The following SRRM4 variants were observed in gnomAD, a reference collection of about 807,000 sequenced individuals.
SRRM4 encodes the protein serine/arginine repetitive matrix protein 4.
SRRM4 carries 33 observed loss-of-function variants against 68.9 expected under a neutral mutation model. The observed-to-expected ratio is 0.48, with a 90% CI of 0.36 to 0.64. SRRM4 has a LOEUF of 0.64. Ranked by LOEUF, SRRM4 falls within the 30% of genes least tolerant of loss-of-function variation. The probability of loss-of-function intolerance (pLI) is 0.00; values close to 1 mark genes in which losing one functional copy is unlikely to be tolerated. For missense variants in SRRM4, 817 were observed against 827.1 expected (o/e 0.99, Z 0.15); for synonymous variants, 318 against 318.8 (o/e 1.00, Z 0.03).
intron 1 of SRRM4, among the ~76,000 whole-genome samples, chr12:119,045,289 A>G (rs773297153): frequency 1.4e-5 from 2 of 144,214 alleles, no homozygotes; most frequent in Non-Finnish European, 3.1e-5. Flanking sequence ...AAAGAGGAAG[A>G]CCCACCCCCG....
At chr12:119,023,439 G>GACACAGC (rs1410050860) in intron 1 of SRRM4, among the ~76,000 whole-genome samples, 3 of 152,124 alleles carry the variant, frequency 2.0e-5, no homozygotes, top group African/African-American at 7.2e-5. Context: ...GCTCCCAAAA[G>GACACAGC]ACACAGCAAT....
At chr12:119,095,485 C>T (rs1237141134) in intron 1 of SRRM4, among the ~76,000 whole-genome samples, 2 of 152,102 alleles carry the variant, frequency 1.3e-5, no homozygotes, top group Admixed American at 1.3e-4. Context: ...TTCAGCTATG[C>T]AAGGGAAGGA....
At chr12:119,148,020 G>A (rs1954415202) in intron 9 of SRRM4, among the ~76,000 whole-genome samples, 2 of 150,528 alleles carry the variant, frequency 1.3e-5, no homozygotes, top group Non-Finnish European at 2.9e-5. Context: ...TTTTTCTCAG[G>A]AGCTTATAAT....
Position 119,154,213 on chromosome 12 carries a change from G to C in SRRM4, c.1392-30G>C, listed in dbSNP as rs1475657751. 2.5e-6 allele frequency: 4 copies of C among 1,573,652 alleles called. No individual in the cohort carries two copies. Among genetic ancestry groups the C allele is most frequent in the Non-Finnish European group, 1.7e-6 (2 of 1,156,760 alleles). ...ACGCAGAAAATCCAGCCCAGCCCCAGCTCCCCAGTAACCCCCCGCGCCCCT... is the reference window on the plus strand; with the variant it reads ...ACGCAGAAAATCCAGCCCAGCCCCACCTCCCCAGTAACCCCCCGCGCCCCT... On this transcript the variant is annotated intron_variant, in intron 11 of 12. Transcript: ENST00000267260. This position sits in a 1 kb window ranked among gnomAD's most constrained non-coding sequence, Gnocchi z 4.7.
chr12:119,104,955 G>A (rs1954097940), intron 2 of SRRM4, among the ~76,000 whole-genome samples: 1 of 144,948 alleles, frequency 6.9e-6, no homozygotes, highest in Non-Finnish European at 1.5e-5. Context: ...ATCTCCTAAT[G>A]CAATCCCTCC....
At position 119,089,826 on chromosome 12, in the gene SRRM4, CCATCAT is replaced by C. The variant is rs1338639900; in HGVS notation, c.132-12401_132-12396del. 3.3e-5 allele frequency among the ~76,000 whole-genome samples: 5 copies of C among 152,118 alleles called. No homozygotes were observed. In the East Asian group the frequency reaches 9.6e-4, roughly 29 times the overall value. Reference sequence around the variant, plus strand: ...AACATTATCACCATCATCACCATCACCATCATCATCATCAAACATATATTGAACATT... The same window carrying C: ...AACATTATCACCATCATCACCATCACCATCATCAAACATATATTGAACATT... On this transcript the variant is annotated intron_variant, in intron 1 of 12. Coordinates refer to ENST00000267260, the MANE Select transcript of SRRM4 (RefSeq NM_194286.4).
At chr12:119,111,193 A>G (rs1230573569) in intron 2 of SRRM4, among the ~76,000 whole-genome samples, 1 of 152,238 alleles carries the variant, frequency 6.6e-6, no homozygotes, top group Non-Finnish European at 1.5e-5. Context: ...CACAGCATAC[A>G]CAAGCATTAT....
Position 119,094,862 on chromosome 12 carries a change from T to G in SRRM4, c.132-7374T>G, listed in dbSNP as rs138727198. On this transcript the variant is annotated intron_variant, in intron 1 of 12. Coordinates refer to ENST00000267260, the MANE Select transcript of SRRM4 (RefSeq NM_194286.4). ...CAATGTCTTGGTTACTTTTGGGTCT[T>G]TGAAATCTGATACTAAGTAGGTGTT... is the stretch of plus-strand genomic sequence containing the variant. Among the ~76,000 whole-genome samples the G allele has an allele frequency of 2.2e-3, 331 of 152,368 alleles. 1 individual carries two copies. The highest frequency in any genetic ancestry group is 7.7e-3 in the African/African-American group (320 of 41,586).
intron 1 of SRRM4, among the ~76,000 whole-genome samples, chr12:119,020,739 G>A: frequency 6.6e-6 from 1 of 152,210 alleles, no homozygotes; most frequent in Admixed American, 6.5e-5. Context: ...TCTTTCCGTG[G>A]TAATTACAAG....
At chr12:119,040,038 T>G (rs1442881914) in intron 1 of SRRM4, among the ~76,000 whole-genome samples, 2 of 152,072 alleles carry the variant, frequency 1.3e-5, no homozygotes, top group Non-Finnish European at 2.9e-5. Context: ...AAATGTTAGT[T>G]ATATGTAACT....
intron 8 of SRRM4, among the ~76,000 whole-genome samples, chr12:119,139,818 C>G (rs185847338): frequency 7.6e-4 from 115 of 152,274 alleles, no homozygotes; most frequent in Non-Finnish European, 1.5e-3. Context: ...CTTTTCTAAT[C>G]TTTCTGGCCA....
chr12:119,098,573 C>G (rs1954059076), intron 1 of SRRM4, among the ~76,000 whole-genome samples: 1 of 152,220 alleles, frequency 6.6e-6, no homozygotes, highest in African/African-American at 2.4e-5. Context: ...TCGCAGGGAG[C>G]TCATAGTCCA....
At chr12:119,137,589 AG>A (rs1447680592) in intron 8 of SRRM4, among the ~76,000 whole-genome samples, 2 of 1,108 alleles carry the variant, frequency 1.8e-3, no homozygotes, top group Non-Finnish European at 0.016. Context: ...TTTGGAGTGG[AG>A]AGAGAGAGAG....
intron 1 of SRRM4, among the ~76,000 whole-genome samples, chr12:119,005,584 T>G (rs1290843808): frequency 6.6e-6 from 1 of 152,232 alleles, no homozygotes; most frequent in Non-Finnish European, 1.5e-5. Flanking sequence ...GTTTTATAAC[T>G]GTGTCCTTCA....
chr12:119,049,685 A>C (rs987617217), intron 1 of SRRM4, among the ~76,000 whole-genome samples: 1 of 152,158 alleles, frequency 6.6e-6, no homozygotes, highest in Non-Finnish European at 1.5e-5. Context: ...GAGTGTCTTA[A>C]ACAGTAATAA....
chr12:118,985,802 A>G (rs947573006), intron 1 of SRRM4, among the ~76,000 whole-genome samples: 6 of 152,238 alleles, frequency 3.9e-5, no homozygotes, highest in Non-Finnish European at 8.8e-5. Flanking sequence ...TCAAGCCACA[A>G]TATGATTTCA....
In SRRM4 at chr12:119,016,751, AG is replaced by A. The variant is rs139215634; in HGVS notation, c.131+34742del. ...TTTTTACCTCTTTTACTATGTTTTG[AG>A]GGGCTTATTGGTAGTTTTCATTTTT... On this transcript the variant is annotated intron_variant, in intron 1 of 12. Coordinates refer to ENST00000267260, the MANE Select transcript of SRRM4 (RefSeq NM_194286.4). Among the ~76,000 whole-genome samples the A allele has an allele frequency of 3.6e-3, 555 of 152,128 alleles. 3 individuals are homozygous for A. Among genetic ancestry groups the A allele is most frequent in the African/African-American group, 0.012 (507 of 41,480 alleles).
intron 2 of SRRM4, 140 bp from the exon 3 acceptor site, chr12:119,114,138 C>T (rs1263459972): frequency 8.4e-6 from 5 of 597,256 alleles, no homozygotes; most frequent in Non-Finnish European, 9.0e-6. Flanking sequence ...GTGACCCAAT[C>T]AGCCATGAGG....
intron 1 of SRRM4, among the ~76,000 whole-genome samples, chr12:119,087,518 A>G (rs555222221): frequency 2.0e-5 from 3 of 152,202 alleles, no homozygotes; most frequent in Non-Finnish European, 4.4e-5. Flanking sequence ...AAATCATTGC[A>G]AATTCCAAAT....
Sources: allele counts gnomAD v4.1 joint callset (sites outside exome capture counted in the v4.1 genomes callset), GRCh38; gene constraint gnomAD v4.1.1; non-coding constraint Gnocchi (gnomAD v3.1); transcripts MANE v1.5; gene names NCBI Gene and HGNC (gene_info 2026-07-23, HGNC 2026-07-21).